TSEN2: variants seen among roughly 807,000 people sequenced by gnomAD.
TSEN2 encodes tRNA splicing endonuclease subunit 2.
A neutral mutation model predicts 59.2 loss-of-function variants in TSEN2; 54 were observed. The observed-to-expected ratio is 0.91, with a 90% CI of 0.73 to 1.14. The LOEUF is 1.14. Among genes scored for constraint, TSEN2 ranks in the 50% most tolerant of loss-of-function variants. TSEN2 has a pLI of 0.00. For synonymous variants in TSEN2, 195 were observed against 198.2 expected, an observed-to-expected ratio of 0.98 and a Z score of 0.14; for missense variants, 636 against 576.2, an observed-to-expected ratio of 1.10 and a Z score of -1.06.
At chr3:12,521,991 A>C (rs945824714) in intron 8 of TSEN2, among the ~76,000 whole-genome samples, 2 of 152,212 alleles carry the variant, frequency 1.3e-5, no homozygotes, top group Admixed American at 1.3e-4. Flanking sequence ...CCTAGGCAAC[A>C]GAGTGAGACT....
chr3:12,485,398 G>C (rs1380698687), intron 1 of TSEN2, among the ~76,000 whole-genome samples: 2 of 82 alleles, frequency 0.024, no homozygotes, highest in Non-Finnish European at 0.056. Flanking sequence ...TGCAGCTCTG[G>C]AGTCAGGTTG....
chr3:12,486,615 G>A (rs755049532), intron 1 of TSEN2, among the ~76,000 whole-genome samples: 12 of 152,262 alleles, frequency 7.9e-5, no homozygotes, highest in African/African-American at 2.2e-4. Context: ...AGTGGTCTTC[G>A]TATTCGCGGA....
chr3:12,526,176 C>A (rs762031653), intron 8 of TSEN2, among the ~76,000 whole-genome samples: 11 of 151,770 alleles, frequency 7.2e-5, no homozygotes, highest in Non-Finnish European at 1.3e-4. Context: ...ATGTCTCTCT[C>A]TCTATATATG....
In TSEN2 at chr3:12,489,844, T is replaced by C; in HGVS notation, c.44T>C (p.Val15Ala). Residue 15 changes from valine (V) to alanine (A), a missense_variant, in exon 2 of 12, where the codon GTG (valine) becomes GCG (alanine). By Grantham distance (64) the Val-to-Ala change is moderately conservative (BLOSUM62 0). Coordinates refer to ENST00000284995, the MANE Select transcript of TSEN2 (RefSeq NM_025265.4). ...CATGCCCCAAAGAGGAAAAGAAGAGTGTATGAGACTTACGAGTCTCCATTG... is the reference window on the plus strand; with the variant it reads ...CATGCCCCAAAGAGGAAAAGAAGAGCGTATGAGACTTACGAGTCTCCATTG... ...VFHAPKRKRRVYETYESPLPI... is the reference protein window; with the variant it reads ...VFHAPKRKRRAYETYESPLPI... 1.2e-6 allele frequency: 2 copies of C among 1,613,734 alleles called. No individual in the cohort carries two copies. The highest frequency in any genetic ancestry group is 1.1e-5 in the South Asian group (1 of 91,060).
At chr3:12,498,220 A>G (rs1359896158) in intron 4 of TSEN2, among the ~76,000 whole-genome samples, 1 of 152,090 alleles carries the variant, frequency 6.6e-6, no homozygotes, top group Non-Finnish European at 1.5e-5. Context: ...CTGTTTCCAG[A>G]TAAAGTCATA....
intron 6 of TSEN2, among the ~76,000 whole-genome samples, chr3:12,510,214 C>T (rs142125020): frequency 5.8e-4 from 88 of 152,322 alleles, no homozygotes; most frequent in African/African-American, 2.0e-3. Context: ...ACCCTTGGGT[C>T]GGAGTCCCAT....
downstream of TSEN2, among the ~76,000 whole-genome samples, chr3:12,534,147 C>T (rs544858599): frequency 6.6e-6 from 1 of 152,276 alleles, no homozygotes; most frequent in Non-Finnish European, 1.5e-5. Context: ...AGGAAGGCCA[C>T]CCACCACATC....
chr3:12,503,899 AAGC>A (rs1165455319), intron 5 of TSEN2, 115 bp downstream of exon 5: 4 of 1,385,896 alleles, frequency 2.9e-6, no homozygotes, highest in Non-Finnish European at 3.9e-6. Context: ...GGTCCAAGGG[AAGC>A]AGCAGGCTTT....
intron 7 of TSEN2, 144 bp from the exon 8 acceptor site, chr3:12,518,915 A>G (rs952189577): frequency 1.2e-6 from 1 of 813,344 alleles, no homozygotes; most frequent in South Asian, 1.6e-5. Context: ...TCTCAAAAAT[A>G]AAATAAATAA....
chr3:12,502,966 G>T (rs1377623801), intron 4 of TSEN2, among the ~76,000 whole-genome samples: 4 of 151,988 alleles, frequency 2.6e-5, no homozygotes, highest in African/African-American at 9.7e-5. Flanking sequence ...CAGCTACTTG[G>T]AGGCTGAGGC....
intron 4 of TSEN2, among the ~76,000 whole-genome samples, chr3:12,500,168 C>T (rs530692771): frequency 6.6e-6 from 1 of 152,298 alleles, no homozygotes; most frequent in South Asian, 2.1e-4. Flanking sequence ...CATTTTACTT[C>T]TCATTTCTCT....
intron 5 of TSEN2, among the ~76,000 whole-genome samples, chr3:12,504,510 G>T (rs1166725047): frequency 6.6e-6 from 1 of 152,042 alleles, no homozygotes; most frequent in Non-Finnish European, 1.5e-5. Context: ...TTGAGCCTGG[G>T]AGATCAAGGC....
rs192021595 is a variant in TSEN2, at chr3:12,533,119, C to T, written c.*398C>T. The T allele has an allele frequency of 4.1e-4, 115 of 277,666 alleles. 1 individual carries two copies. The highest frequency in any genetic ancestry group is 9.1e-4 in the African/African-American group (42 of 45,964). 17.2% of individuals were successfully genotyped at this position (277,666 alleles called of 1,614,324 possible). Reference sequence around the variant, plus strand: ...GTACAGTTTATGAAGCACTTTCATACGCAGGCATCTCTTGTTACCTACATC... The same window carrying T: ...GTACAGTTTATGAAGCACTTTCATATGCAGGCATCTCTTGTTACCTACATC... On this transcript the variant is annotated 3_prime_UTR_variant, in exon 12 of 12. Coordinates refer to ENST00000284995, the MANE Select transcript of TSEN2 (RefSeq NM_025265.4).
In TSEN2 at chr3:12,503,643, C is replaced by T. The variant is rs772295412; in HGVS notation, c.690C>T (p.Leu230=). 3 of 1,600,290 alleles carry T rather than the reference C, an allele frequency of 1.9e-6. No homozygotes were observed. The highest frequency in any genetic ancestry group is 2.6e-6 in the Non-Finnish European group (3 of 1,172,938). Residue 230 remains leucine, a synonymous_variant, in exon 5 of 12, where the codon CTC becomes CTT. Coordinates refer to ENST00000284995, the MANE Select transcript of TSEN2 (RefSeq NM_025265.4). ...GCTGCAAACAAGATGCTCTCATCCT[C>T]CAGCGTGGCCTTCATCATGAAGACG... The part of the protein sequence containing the change: ...VCCCKQDALI[L]QRGLHHEDGS...
chr3:12,528,897 G>C lies in TSEN2; in HGVS notation c.1109G>C (p.Arg370Pro). Reference sequence around the variant, plus strand: ...TCTTTCTTCTTTGCAGTGCTATATCGGAAAGGCCCTCCATTTTACCATGCA... The same window carrying C: ...TCTTTCTTCTTTGCAGTGCTATATCCGAAAGGCCCTCCATTTTACCATGCA... ...LKYGTDLLLY[R>P]KGPPFYHASY... is the part of the protein sequence containing the mutation. The change falls in exon 9 of 12, where the codon CGG becomes CCG. Residue 370 changes from arginine (R) to proline (P), a missense_variant. Coordinates refer to ENST00000284995, the MANE Select transcript of TSEN2 (RefSeq NM_025265.4). The C allele has an allele frequency of 1.2e-6, 2 of 1,613,696 alleles. No homozygotes were observed. The highest frequency in any genetic ancestry group is 1.7e-6 in the Non-Finnish European group (2 of 1,179,942).
In TSEN2 at chr3:12,532,802, CATTA is replaced by C. The variant is rs2057548499; in HGVS notation, c.*85_*88del. ...AAAAGTTCTTTTTGTTGTAATCGTC[CATTA>C]ATTCATAAGTTTTAAAGGGCATGGT... On this transcript the variant is annotated 3_prime_UTR_variant, in exon 12 of 12. Transcript: ENST00000284995. 11 of 1,368,918 alleles carry C rather than the reference CATTA, an allele frequency of 8.0e-6. No homozygotes were observed. In the South Asian group the frequency reaches 1.1e-4, roughly 13 times the overall value. The allele number at this position is 1,368,918 out of a possible 1,614,324, so 84.8% of individuals were successfully genotyped here.
intron 8 of TSEN2, among the ~76,000 whole-genome samples, chr3:12,526,109 C>G (rs1052320404): frequency 6.6e-6 from 1 of 151,900 alleles, no homozygotes; most frequent in Non-Finnish European, 1.5e-5. Context: ...GAGGACAAGG[C>G]GAACGGATCC....
At chr3:12,532,304 C>T (rs1215521089) in intron 11 of TSEN2, among the ~76,000 whole-genome samples, 1 of 152,164 alleles carries the variant, frequency 6.6e-6, no homozygotes, top group Non-Finnish European at 1.5e-5. Flanking sequence ...TGCTCATCAA[C>T]CTCATTTCTC....
At chr3:12,531,211 T>C (rs888374298) in intron 10 of TSEN2, 2 of 216,510 alleles carry the variant, frequency 9.2e-6, no homozygotes, top group African/African-American at 5.5e-5. Context: ...AACTACAAGA[T>C]GAGATTTGGG....
Sources: gnomAD v4.1 joint callset for allele counts (sites outside exome capture counted in the v4.1 genomes callset) on GRCh38, gnomAD v4.1.1 for gene constraint, MANE v1.5 for transcripts, NCBI Gene and HGNC (gene_info 2026-07-23, HGNC 2026-07-21) for gene names.